The following C14orf39 variants were observed in gnomAD, a reference collection of about 807,000 sequenced individuals.
C14orf39 encodes the protein chromosome 14 open reading frame 39, also known as protein SIX6OS1.
A neutral mutation model predicts 85.6 loss-of-function variants in C14orf39; 66 were observed. The observed-to-expected ratio is 0.77, with a 90% CI of 0.63 to 0.95. The LOEUF is 0.95. C14orf39 is among the 40% of genes least tolerant of loss of function. The pLI is 0.00. For missense variants in C14orf39, 735 were observed against 663.9 expected (o/e 1.11, Z -1.18); for synonymous variants, 242 against 214.0 (o/e 1.13, Z -1.14).
chr14:60,512,509 G>A (rs979680550), intron 1 of C14orf39: 4 of 152,198 alleles, frequency 2.6e-5, no homozygotes, highest in Non-Finnish European at 5.9e-5. Context: ...GAGGGATACT[G>A]AGATGGGGGA....
chr14:60,455,153 A>T lies in C14orf39; in HGVS notation c.1359-8T>A. On this transcript the variant is annotated splice_region_variant and splice_polypyrimidine_tract_variant and intron_variant, in intron 15 of 17. Coordinates refer to ENST00000321731, the MANE Select transcript of C14orf39 (RefSeq NM_174978.3). ...GCATTTCTATTTCTGTTACTGAGAAATAAGAAATTATCAAAATGTTAAAAA... is the reference window on the plus strand; with the variant it reads ...GCATTTCTATTTCTGTTACTGAGAATTAAGAAATTATCAAAATGTTAAAAA... 6.5e-7 allele frequency: 1 copy of T among 1,532,992 alleles called. No homozygotes were observed. The highest frequency in any genetic ancestry group is 8.8e-7 in the Non-Finnish European group (1 of 1,141,732). 95.0% of individuals were successfully genotyped at this position (1,532,992 alleles called of 1,614,324 possible).
At chr14:60,507,083 G>A (rs1002194101) in intron 1 of C14orf39, among the ~76,000 whole-genome samples, 1 of 152,094 alleles carries the variant, frequency 6.6e-6, no homozygotes, top group African/African-American at 2.4e-5. Flanking sequence ...CTCTCGGCTC[G>A]GCTCGCGGGC....
chr14:60,504,887 A>G (rs1893184637), intron 1 of C14orf39, among the ~76,000 whole-genome samples: 2 of 152,192 alleles, frequency 1.3e-5, no homozygotes, highest in Non-Finnish European at 2.9e-5. Flanking sequence ...GTAGCCTAAC[A>G]TTTTTTAAGA....
chr14:60,484,844 AAAGAC>A lies in C14orf39; in HGVS notation c.106+32_106+36del. ...GTATGTTATATGCCATAAGGAATTA[AAAGAC>A]TAAAATATCTTGATCATGCAAAGCT... On this transcript the variant is annotated intron_variant, in intron 3 of 17. Coordinates refer to ENST00000321731, the MANE Select transcript of C14orf39 (RefSeq NM_174978.3). This position sits in a 1 kb window ranked among gnomAD's most constrained non-coding sequence, Gnocchi z 4.2. 1 of 1,431,842 alleles carries A rather than the reference AAAGAC, an allele frequency of 7.0e-7. No homozygotes were observed. 88.7% of individuals were successfully genotyped at this position (1,431,842 alleles called of 1,614,324 possible). A position where few individuals can be genotyped will look rare whatever the true frequency, so the allele number is the denominator to read the frequency against.
chr14:60,511,398 C>T, intron 1 of C14orf39: 2 of 956,860 alleles, frequency 2.1e-6, no homozygotes, highest in Non-Finnish European at 3.2e-6. Flanking sequence ...TTGCCGTTTC[C>T]CGCCCCACCC....
At chr14:60,500,279 A>G (rs1893123219) in intron 1 of C14orf39, among the ~76,000 whole-genome samples, 1 of 152,190 alleles carries the variant, frequency 6.6e-6, no homozygotes, top group Non-Finnish European at 1.5e-5. Flanking sequence ...CACCCACCTC[A>G]GCCTCCCAAA....
chr14:60,510,577 G>C (rs1318205973), intron 1 of C14orf39, among the ~76,000 whole-genome samples: 1 of 132,120 alleles, frequency 7.6e-6, no homozygotes, highest in Non-Finnish European at 1.7e-5. Context: ...TTTTGCGGAA[G>C]AGCCCGGCCT....
chr14:60,468,743 A>G (rs1285855624), intron 8 of C14orf39, among the ~76,000 whole-genome samples: 2 of 151,684 alleles, frequency 1.3e-5, no homozygotes, highest in African/African-American at 4.8e-5. Flanking sequence ...CCATTGGCAA[A>G]TGTAGATTTT....
intron 4 of C14orf39, 29 bp from the exon 5 acceptor site, chr14:60,478,418 C>G (rs769812792): frequency 8.3e-7 from 1 of 1,206,018 alleles, no homozygotes; most frequent in Non-Finnish European, 1.2e-6. Flanking sequence ...TTGTAATTAG[C>G]AACTCAGAAT....
intron 16 of C14orf39, among the ~76,000 whole-genome samples, chr14:60,442,483 T>A (rs1890565774): frequency 6.6e-6 from 1 of 152,218 alleles, no homozygotes; most frequent in South Asian, 2.1e-4. Context: ...TAGCTTCATG[T>A]CAGTTGAGAT....
At chr14:60,501,919 C>T (rs946062306) in intron 1 of C14orf39, among the ~76,000 whole-genome samples, 5 of 152,166 alleles carry the variant, frequency 3.3e-5, no homozygotes, top group African/African-American at 1.2e-4. Context: ...GTGTCAGGCA[C>T]TGTGCAAGGA....
intron 13 of C14orf39, 43 bp downstream of exon 13, chr14:60,461,311 T>C: frequency 3.3e-6 from 5 of 1,528,530 alleles, no homozygotes; most frequent in Non-Finnish European, 4.5e-6. Flanking sequence ...TGATATAATT[T>C]GTTACCCCGA....
chr14:60,486,210 A>T (rs1892886867), upstream of C14orf39: 1 of 152,220 alleles, frequency 6.6e-6, no homozygotes. Context: ...TCGCGGGTGG[A>T]AGCGCGGAAT....
chr14:60,438,370 A>G (rs1890355556), intron 17 of C14orf39, among the ~76,000 whole-genome samples: 3 of 152,244 alleles, frequency 2.0e-5, no homozygotes, highest in Middle Eastern at 6.8e-3. Context: ...CATATGACTT[A>G]AAGAAAAATA....
chr14:60,500,888 T>C (rs1893135780), intron 1 of C14orf39, among the ~76,000 whole-genome samples: 1 of 152,068 alleles, frequency 6.6e-6, no homozygotes, highest in Non-Finnish European at 1.5e-5. Flanking sequence ...AAAAAAGACA[T>C]TTCCAGTAGG....
upstream of C14orf39, among the ~76,000 whole-genome samples, chr14:60,487,492 CGTGT>C (rs1308228152): frequency 6.7e-6 from 1 of 150,138 alleles, no homozygotes; most frequent in African/African-American, 2.5e-5. Flanking sequence ...AATAAAAGTC[CGTGT>C]GTGTGTGTGT....
chr14:60,469,587 G>C lies in C14orf39; in HGVS notation c.621C>G (p.Ser207=). 1 of 1,508,024 alleles carries C rather than the reference G, an allele frequency of 6.6e-7. No homozygotes were observed. The highest frequency in any genetic ancestry group is 8.9e-7 in the Non-Finnish European group (1 of 1,119,298). The allele number at this position is 1,508,024 out of a possible 1,614,324, so 93.4% of individuals were successfully genotyped here. A position where few individuals can be genotyped will look rare whatever the true frequency, so the allele number is the denominator to read the frequency against. The change falls in exon 8 of 18, where the codon TCC becomes TCG. Residue 207 remains serine, a synonymous_variant. Transcript: ENST00000321731. ...TTTCATCTACTTCTTTCTTCAATTC[G>C]GATGAACTTTTGGTAAGATTGCTGG... is the stretch of plus-strand genomic sequence containing the variant. ...KHASNLTKSS[S]ELKKEVDEME...
intron 5 of C14orf39, among the ~76,000 whole-genome samples, chr14:60,475,361 C>G (rs1171904427): frequency 6.6e-6 from 1 of 151,680 alleles, no homozygotes; most frequent in Non-Finnish European, 1.5e-5. Flanking sequence ...CACAAAAAAC[C>G]GTTCAAATAA....
At chr14:60,461,275 C>T in intron 13 of C14orf39, 79 bp downstream of exon 13, 1 of 1,247,544 alleles carries the variant, frequency 8.0e-7, no homozygotes, top group South Asian at 1.3e-5. Flanking sequence ...ATAATCGAAA[C>T]AATTTATTTG....
Sources: allele counts gnomAD v4.1 joint callset (sites outside exome capture counted in the v4.1 genomes callset), GRCh38; gene constraint gnomAD v4.1.1; non-coding constraint Gnocchi (gnomAD v3.1); transcripts MANE v1.5; gene names NCBI Gene and HGNC (gene_info 2026-07-23, HGNC 2026-07-21).